LIPK: variants seen among roughly 807,000 people sequenced by gnomAD.
The protein encoded by LIPK is lipase member K.
Under a neutral mutation model 48.6 loss-of-function variants are expected in LIPK, and 32 were observed. That is an observed-to-expected ratio of 0.66 (90% CI 0.50 to 0.88). The LOEUF is 0.88. LIPK is among the 40% of genes least tolerant of loss of function. LIPK has a pLI of 0.00. For missense variants in LIPK, 507 were observed against 478.5 expected (o/e 1.06, Z -0.56); for synonymous variants, 164 against 157.4 (o/e 1.04, Z -0.32).
At chr10:88,745,631 T>C (rs747651658) in intron 9 of LIPK, among the ~76,000 whole-genome samples, 38 of 152,272 alleles carry the variant, frequency 2.5e-4, no homozygotes, top group Non-Finnish European at 4.3e-4. Context: ...CTTAATGGAA[T>C]GCTAAACATG....
intron 7 of LIPK, among the ~76,000 whole-genome samples, chr10:88,738,877 C>T (rs1842626077): frequency 6.6e-6 from 1 of 152,134 alleles, no homozygotes; most frequent in African/African-American, 2.4e-5. Context: ...GAACCATAGC[C>T]AGGGGTACAT....
intron 1 of LIPK, among the ~76,000 whole-genome samples, chr10:88,716,182 TAC>T (rs1842113721): frequency 6.6e-6 from 1 of 152,088 alleles, no homozygotes; most frequent in Non-Finnish European, 1.5e-5. Context: ...AGGAATTAGA[TAC>T]TAGACTAGAT....
chr10:88,743,778 C>T (rs908076418), intron 9 of LIPK, among the ~76,000 whole-genome samples: 1 of 152,142 alleles, frequency 6.6e-6, no homozygotes, highest in African/African-American at 2.4e-5. Context: ...AACGGGGTTG[C>T]TGAGCACCAG....
intron 9 of LIPK, among the ~76,000 whole-genome samples, chr10:88,752,211 C>T (rs976762818): frequency 6.6e-6 from 1 of 152,130 alleles, no homozygotes; most frequent in Non-Finnish European, 1.5e-5. Flanking sequence ...ATTCTGAGAT[C>T]AAATGCTAAC....
At chr10:88,743,871 C>A (rs1269615690) in intron 9 of LIPK, among the ~76,000 whole-genome samples, 1 of 152,128 alleles carries the variant, frequency 6.6e-6, no homozygotes, top group East Asian at 1.9e-4. Context: ...TATGGACCTA[C>A]CTGTAGGACA....
chr10:88,706,753 T>C (rs1440468311), intron 1 of LIPK, among the ~76,000 whole-genome samples: 2 of 152,142 alleles, frequency 1.3e-5, no homozygotes, highest in African/African-American at 2.4e-5. Context: ...TGAGTATGAA[T>C]ATTCTTTTTT....
At chr10:88,729,671 T>C (rs1256524106) in intron 3 of LIPK, among the ~76,000 whole-genome samples, 2 of 152,242 alleles carry the variant, frequency 1.3e-5, no homozygotes, top group African/African-American at 4.8e-5. Context: ...TACTTGACTA[T>C]TTAATGGTAC....
intron 6 of LIPK, among the ~76,000 whole-genome samples, chr10:88,737,257 C>A (rs1016464574): frequency 2.0e-5 from 3 of 152,104 alleles, no homozygotes; most frequent in South Asian, 2.1e-4. Context: ...AACAGCCCTA[C>A]CCAGTAGAAA....
At chr10:88,718,318 G>A (rs901158912) in intron 1 of LIPK, among the ~76,000 whole-genome samples, 1 of 147,976 alleles carries the variant, frequency 6.8e-6, no homozygotes, top group Non-Finnish European at 1.5e-5. Context: ...TATATAGAAG[G>A]AAGCCAAGTA....
At chr10:88,724,766 G>A in intron 2 of LIPK, 118 bp downstream of exon 2, 1 of 659,910 alleles carries the variant, frequency 1.5e-6, no homozygotes, top group Non-Finnish European at 2.6e-6. Flanking sequence ...CTAAGTCTGT[G>A]CTTCCTCTCC....
intron 3 of LIPK, chr10:88,728,551 G>A: frequency 9.8e-6 from 4 of 406,288 alleles, no homozygotes; most frequent in East Asian, 1.4e-4. Context: ...GCCCTATAGC[G>A]GACCAAACAG....
intron 9 of LIPK, among the ~76,000 whole-genome samples, chr10:88,750,704 G>A (rs539633193): frequency 2.8e-4 from 42 of 152,174 alleles, no homozygotes; most frequent in African/African-American, 9.9e-4. Context: ...TGGGTACTGT[G>A]CTCATTACCT....
In LIPK at chr10:88,752,163, A is replaced by T. The variant is rs958441263; in HGVS notation, c.961-354A>T. On this transcript the variant is annotated intron_variant, in intron 9 of 9. Coordinates refer to ENST00000404190, the MANE Select transcript of LIPK (RefSeq NM_001080518.2). ...CCCAGATTTGTGACTAAGAGAAGGG[A>T]TATTTATCCTATCCGACATTTTGTT... Among the ~76,000 whole-genome samples the T allele has an allele frequency of 3.3e-5, 5 of 152,128 alleles. No homozygotes were observed. In the East Asian group the frequency reaches 9.6e-4, roughly 29 times the overall value.
intron 9 of LIPK, among the ~76,000 whole-genome samples, chr10:88,744,075 C>A (rs779746965): frequency 1.3e-5 from 2 of 152,202 alleles, no homozygotes; most frequent in African/African-American, 2.4e-5. Flanking sequence ...GACTGTTGAA[C>A]CTGAACAGAA....
chr10:88,734,958 C>A (rs1202809500), intron 6 of LIPK, among the ~76,000 whole-genome samples: 1 of 152,178 alleles, frequency 6.6e-6, no homozygotes, highest in African/African-American at 2.4e-5. Flanking sequence ...TGGACTGAGA[C>A]AACCTTTTTT....
At chr10:88,726,759 T>C in intron 2 of LIPK, 36 bp from the exon 3 acceptor site, 1 of 965,560 alleles carries the variant, frequency 1.0e-6, no homozygotes, top group Non-Finnish European at 1.6e-6. Flanking sequence ...TAAGAGATTA[T>C]AACATGAAGG....
chr10:88,726,651 A>G (rs1842348257), intron 2 of LIPK, 144 bp from the exon 3 acceptor site: 2 of 601,206 alleles, frequency 3.3e-6, no homozygotes, highest in South Asian at 4.1e-5. Context: ...CCAAGATCAC[A>G]CCACTGCACT....
chr10:88,734,702 AGTT>A (rs749440023), intron 6 of LIPK, among the ~76,000 whole-genome samples: 39 of 152,194 alleles, frequency 2.6e-4, no homozygotes, highest in Admixed American at 2.1e-3. Flanking sequence ...ATTGGACAAG[AGTT>A]GTGCACTGAT....
intron 9 of LIPK, 32 bp from the exon 10 acceptor site, chr10:88,752,485 A>G: frequency 1.3e-6 from 2 of 1,486,002 alleles, no homozygotes; most frequent in Non-Finnish European, 9.2e-7. Context: ...TATTCTGTAA[A>G]AACTTTTCTC....
Sources: allele counts gnomAD v4.1 joint callset (sites outside exome capture counted in the v4.1 genomes callset), GRCh38; gene constraint gnomAD v4.1.1; transcripts MANE v1.5; gene names NCBI Gene and HGNC (gene_info 2026-07-23, HGNC 2026-07-21).